The following SEPTIN10 variants were observed in gnomAD, a reference collection of about 807,000 sequenced individuals.
SEPTIN10 encodes the protein septin-10.
SEPTIN10 carries 66 observed loss-of-function variants against 54.8 expected under a neutral mutation model. The observed-to-expected ratio is 1.21, with a 90% CI of 0.99 to 1.48. The LOEUF (loss-of-function observed/expected upper bound fraction) is 1.48, where lower values mean the gene tolerates loss of function less well. Among genes scored for constraint, SEPTIN10 ranks in the 40% most tolerant of loss-of-function variants. The pLI, the probability that SEPTIN10 is intolerant of heterozygous loss-of-function variation, is 0.00. For synonymous variants in SEPTIN10, 161 were observed against 181.0 expected (o/e 0.89, Z 0.89); for missense variants, 620 against 545.6 (o/e 1.14, Z -1.36).
Position 109,546,064 on chromosome 2 carries a change from G to A in SEPTIN10, c.1335C>T (p.Asp445=), listed in dbSNP as rs776299270. ...FLATGSNLRK[D]KDRKNSNFL ...GGGCCTCTTACTTCTTACGGTCCTTGTCCTTCCTCAGGTTGCTGCCTGTTG... is the reference window on the plus strand; with the variant it reads ...GGGCCTCTTACTTCTTACGGTCCTTATCCTTCCTCAGGTTGCTGCCTGTTG... Residue 445 remains aspartate, a synonymous_variant, in exon 10 of 11, where the codon GAC becomes GAT. Transcript: ENST00000397712. The A allele has an allele frequency of 2.1e-5, 34 of 1,589,466 alleles. 1 individual carries two copies. In the Middle Eastern group the frequency reaches 6.0e-4, roughly 28 times the overall value.
intron 1 of SEPTIN10, among the ~76,000 whole-genome samples, chr2:109,594,453 C>T (rs765419147): frequency 1.3e-5 from 2 of 152,208 alleles, no homozygotes; most frequent in Non-Finnish European, 2.9e-5. Flanking sequence ...TAGCTGTCTA[C>T]TGCTCTGCAC....
At chr2:109,544,355 C>T (rs1558675392) in intron 10 of SEPTIN10, 31 bp from the exon 11 acceptor site, 1 of 1,553,970 alleles carries the variant, frequency 6.4e-7, no homozygotes, top group African/African-American at 1.4e-5. Flanking sequence ...TTGATTGGTA[C>T]AATTTAAAAA....
chr2:109,564,104 C>T (rs573970143), intron 8 of SEPTIN10: 5 of 331,748 alleles, frequency 1.5e-5, no homozygotes, highest in African/African-American at 1.1e-4. Flanking sequence ...TCAGCATGAA[C>T]TGAAACAGGG....
chr2:109,565,492 C>G (rs1349062700), intron 7 of SEPTIN10, among the ~76,000 whole-genome samples: 1 of 152,194 alleles, frequency 6.6e-6, no homozygotes, highest in Non-Finnish European at 1.5e-5. Context: ...TGTCTGAACA[C>G]TACTTTCCAC....
At chr2:109,573,441 A>C (rs1688847184) in intron 5 of SEPTIN10, among the ~76,000 whole-genome samples, 1 of 152,216 alleles carries the variant, frequency 6.6e-6, no homozygotes, top group East Asian at 1.9e-4. Flanking sequence ...CAACTGGCTA[A>C]ATGGTTAGAA....
Position 109,553,192 on chromosome 2 carries a change from T to C in SEPTIN10, c.1056A>G (p.Arg352=), listed in dbSNP as rs562368169. The stretch of plus-strand genomic sequence containing the variant: ...TCTGACGTTCACCATGGAACTCATG[T>C]CTTTTGGCTTCATAGGTCTCTTGAA... ...VSVQETYEAK[R]HEFHGERQRK... is the part of the protein sequence containing the mutation. The change falls in exon 9 of 11, where the codon AGA becomes AGG. Residue 352 remains arginine (R), a synonymous_variant. Transcript: ENST00000397712. 2 of 1,614,176 alleles carry C rather than the reference T, an allele frequency of 1.2e-6. No homozygotes were observed. Among genetic ancestry groups the C allele is most frequent in the South Asian group, 1.1e-5 (1 of 91,078 alleles).
Position 109,574,745 on chromosome 2 carries a change from T to A in SEPTIN10, c.436A>T (p.Ile146Leu). ...AGATAGGCCTCAAACTGAGCATCTA[T>A]GTAGTCAACTATTGGTTGGTAGCTG... ...EESYQPIVDY[I>L]DAQFEAYLQE... Residue 146 changes from isoleucine to leucine, a missense_variant, in exon 5 of 11, where the codon ATA becomes TTA. By Grantham distance (5) the Ile-to-Leu change is conservative. Coordinates refer to ENST00000397712, the MANE Select transcript of SEPTIN10 (RefSeq NM_144710.5). 1.9e-6 allele frequency: 3 copies of A among 1,594,714 alleles called. No homozygotes were observed. The highest frequency in any genetic ancestry group is 2.6e-6 in the Non-Finnish European group (3 of 1,172,732).
chr2:109,592,149 C>A (rs1694209516), intron 2 of SEPTIN10, among the ~76,000 whole-genome samples: 1 of 151,954 alleles, frequency 6.6e-6, no homozygotes, highest in Non-Finnish European at 1.5e-5. Context: ...TATGCACCCA[C>A]CACATTCTGC....
chr2:109,572,291 C>T (rs1415152404), intron 5 of SEPTIN10, among the ~76,000 whole-genome samples: 2 of 152,204 alleles, frequency 1.3e-5, no homozygotes, highest in African/African-American at 2.4e-5. Flanking sequence ...CCACGACGCC[C>T]GGCTGAATTT....
intron 8 of SEPTIN10, among the ~76,000 whole-genome samples, chr2:109,561,947 A>G (rs1205841674): frequency 6.6e-6 from 1 of 152,092 alleles, no homozygotes; most frequent in African/African-American, 2.4e-5. Flanking sequence ...TTTAGTAGAG[A>G]TGGGGTTTCA....
chr2:109,568,846 G>A (rs1364036048), intron 5 of SEPTIN10, among the ~76,000 whole-genome samples: 4 of 152,120 alleles, frequency 2.6e-5, no homozygotes, highest in African/African-American at 9.7e-5. Context: ...AGCAGAGGAA[G>A]GAAACTGTAT....
At chr2:109,579,946 C>T (rs1027879276) in intron 4 of SEPTIN10, among the ~76,000 whole-genome samples, 1 of 151,494 alleles carries the variant, frequency 6.6e-6, no homozygotes, top group African/African-American at 2.4e-5. Flanking sequence ...CATGGTGAAA[C>T]CCTGTCTCTA....
In SEPTIN10 at chr2:109,585,320, C is replaced by G. The variant is rs764081155; in HGVS notation, c.219G>C (p.Gly73=). Reference sequence around the variant, plus strand: ...GTGTTGATTTTCCAATTCCAGTTTCCCCTGAAACACACAAAGGTACATCTT... The same window carrying G: ...GTGTTGATTTTCCAATTCCAGTTTCGCCTGAAACACACAAAGGTACATCTT... The part of the protein sequence containing the change: ...QGFCFNILCV[G]ETGIGKSTLI... The change falls in exon 4 of 11, where the codon GGG becomes GGC. Residue 73 remains glycine, a splice_region_variant and synonymous_variant. Coordinates refer to ENST00000397712, the MANE Select transcript of SEPTIN10 (RefSeq NM_144710.5). The G allele has an allele frequency of 1.3e-6, 2 of 1,595,382 alleles. No individual in the cohort carries two copies. Among genetic ancestry groups the G allele is most frequent in the East Asian group, 2.3e-5 (1 of 44,404 alleles).
At chr2:109,545,289 G>C (rs1268011855) in intron 10 of SEPTIN10, 2 of 1,427,370 alleles carry the variant, frequency 1.4e-6, no homozygotes, top group East Asian at 5.3e-5. Context: ...TTAAGTGGGA[G>C]AAATAAAACA....
In SEPTIN10 at chr2:109,557,767, T is replaced by A. The variant is rs549798149; in HGVS notation, c.1029-4548A>T. Among the ~76,000 whole-genome samples, 6 of 152,296 alleles carry A rather than the reference T, an allele frequency of 3.9e-5. 1 individual carries two copies. Among genetic ancestry groups the A allele is most frequent in the African/African-American group, 1.4e-4 (6 of 41,582 alleles). ...CTAATGCAATCATTGTTTCTTATCA[T>A]AGATTTATTAAATAAAAATAAAAAC... is the stretch of plus-strand genomic sequence containing the variant. On this transcript the variant is annotated intron_variant, in intron 8 of 10. Coordinates refer to ENST00000397712, the MANE Select transcript of SEPTIN10 (RefSeq NM_144710.5).
chr2:109,576,604 C>T (rs909589063), intron 4 of SEPTIN10, among the ~76,000 whole-genome samples: 3 of 152,004 alleles, frequency 2.0e-5, no homozygotes, highest in African/African-American at 7.3e-5. Context: ...GTATATATTT[C>T]ACATAAAAAT....
intron 5 of SEPTIN10, among the ~76,000 whole-genome samples, chr2:109,569,364 G>C (rs558908588): frequency 2.7e-5 from 4 of 150,664 alleles, no homozygotes; most frequent in Non-Finnish European, 5.9e-5. Context: ...CCAGGAGGCA[G>C]AGGTTGCAGT....
chr2:109,593,209 G>C (rs1573757452), intron 1 of SEPTIN10, 90 bp from the exon 2 acceptor site: 1 of 794,546 alleles, frequency 1.3e-6, no homozygotes, highest in Non-Finnish European at 1.9e-6. Context: ...TGAATAAGGT[G>C]TTATAATAAT....
chr2:109,560,758 A>G (rs1685482578), intron 8 of SEPTIN10, among the ~76,000 whole-genome samples: 1 of 152,152 alleles, frequency 6.6e-6, no homozygotes, highest in Non-Finnish European at 1.5e-5. Context: ...ACCTATCTAG[A>G]TGAATGCAGT....
Sources: gnomAD v4.1 joint callset for allele counts (sites outside exome capture counted in the v4.1 genomes callset) on GRCh38, gnomAD v4.1.1 for gene constraint, MANE v1.5 for transcripts, NCBI Gene and HGNC (gene_info 2026-07-23, HGNC 2026-07-21) for gene names.